Variants in DYNC1H1 observed in about 807,000 individuals in gnomAD.
The protein encoded by DYNC1H1 is dynein cytoplasmic 1 heavy chain 1.
Under a neutral mutation model 527.1 loss-of-function variants are expected in DYNC1H1, and 51 were observed. The ratio of observed to expected loss-of-function variants is 0.10; its 90% CI spans 0.08 to 0.12. The LOEUF (loss-of-function observed/expected upper bound fraction) is 0.12. Ranked by LOEUF, DYNC1H1 falls within the 10% of genes least tolerant of loss-of-function variation. The probability of loss-of-function intolerance (pLI) is 1.00; values close to 1 mark genes in which losing one functional copy is unlikely to be tolerated. For missense variants in DYNC1H1, 2,771 were observed against 5,971.8 expected (o/e 0.46, Z 17.66); for synonymous variants, 2,189 against 2,278.8 (o/e 0.96, Z 1.12).
Position 102,041,261 on chromosome 14 carries a change from C to G in DYNC1H1, c.11942-313C>G, listed in dbSNP as rs2152596108. 1 of 423,024 alleles carries G rather than the reference C, an allele frequency of 2.4e-6. No individual in the cohort carries two copies. The highest frequency in any genetic ancestry group is 5.4e-5 in the East Asian group (1 of 18,566). The allele number at this position is 423,024 out of a possible 1,614,324, so 26.2% of individuals were successfully genotyped here. A position where few individuals can be genotyped will look rare whatever the true frequency, so the allele number is the denominator to read the frequency against. On this transcript the variant is annotated intron_variant, in intron 64 of 77. Coordinates refer to ENST00000360184, the MANE Select transcript of DYNC1H1 (RefSeq NM_001376.5). The surrounding 1 kb of genome is among the most constrained non-coding windows in gnomAD (Gnocchi z 4.5). ...AGAGGAAGTGTCAGACTGTGGAGGG[C>G]AGAGCGTGGAGCCCCCTTCCTGAGT...
Position 102,017,706 on chromosome 14 carries a change from C to G in DYNC1H1, c.8177+202C>G. The G allele has an allele frequency of 1.0e-6, 1 of 989,752 alleles. No individual in the cohort carries two copies. The highest frequency in any genetic ancestry group is 2.3e-5 in the Admixed American group (1 of 43,684). 61.3% of individuals were successfully genotyped at this position (989,752 alleles called of 1,614,324 possible). A position where few individuals can be genotyped will look rare whatever the true frequency, so the allele number is the denominator to read the frequency against. ...CATTGGCCGGGCGCAGTGGCTTACG[C>G]CTATAATCCCAGCACTTTGGGAGGC... On this transcript the variant is annotated intron_variant, in intron 40 of 77. Coordinates refer to ENST00000360184, the MANE Select transcript of DYNC1H1 (RefSeq NM_001376.5). The surrounding 1 kb of genome is among the most constrained non-coding windows in gnomAD (Gnocchi z 4.6).
In DYNC1H1 at chr14:102,033,656, G is replaced by A. The variant is rs1287210821; in HGVS notation, c.10413+172G>A. On this transcript the variant is annotated intron_variant, in intron 54 of 77. Transcript: ENST00000360184. This position sits in a 1 kb window ranked among gnomAD's most constrained non-coding sequence, Gnocchi z 5.6. ...ATAATACACACTGAGTAGTCACTAA[G>A]TGTTGTTAATTAGGATAGATTGATA... is the stretch of plus-strand genomic sequence containing the variant. 1 of 836,010 alleles carries A rather than the reference G, an allele frequency of 1.2e-6. No individual in the cohort carries two copies. Among genetic ancestry groups the A allele is most frequent in the Non-Finnish European group, 1.9e-6 (1 of 520,220 alleles). 51.8% of individuals were successfully genotyped at this position (836,010 alleles called of 1,614,324 possible).
chr14:101,967,799 C>T (rs761981522), intron 1 of DYNC1H1, among the ~76,000 whole-genome samples: 13 of 152,178 alleles, frequency 8.5e-5, no homozygotes, highest in East Asian at 1.9e-4. Flanking sequence ...TTTGCTCCAG[C>T]CTGGGTACAG....
Position 102,044,199 on chromosome 14 carries a change from C to G in DYNC1H1, c.12685-75C>G. ...TGGCCATGGGGAGTGAGGAGGAAAG[C>G]TGTGCCCCTCGAAAGGAAGCCCCGG... On this transcript the variant is annotated intron_variant, in intron 70 of 77. Transcript: ENST00000360184. The surrounding 1 kb of genome is among the most constrained non-coding windows in gnomAD (Gnocchi z 7.1). 6.3e-7 allele frequency: 1 copy of G among 1,593,704 alleles called. No individual in the cohort carries two copies. Among genetic ancestry groups the G allele is most frequent in the South Asian group, 1.1e-5 (1 of 89,394 alleles).
chr14:101,976,591 T>C (rs1283937348), intron 2 of DYNC1H1, among the ~76,000 whole-genome samples: 1 of 152,050 alleles, frequency 6.6e-6, no homozygotes, highest in Admixed American at 6.6e-5. Context: ...AGATTTCTGG[T>C]CTTTAAATTC....
chr14:102,016,593 T>A lies in DYNC1H1; in HGVS notation c.7614+104T>A. 2 of 1,602,832 alleles carry A rather than the reference T, an allele frequency of 1.2e-6. No homozygotes were observed. The highest frequency in any genetic ancestry group is 1.7e-6 in the Non-Finnish European group (2 of 1,171,248). ...CCTTGGCTTCGTCTTTTCATTTTAT[T>A]CCATTTCATAGAAGGACTTTATCCT... On this transcript the variant is annotated intron_variant, in intron 37 of 77. Coordinates refer to ENST00000360184, the MANE Select transcript of DYNC1H1 (RefSeq NM_001376.5). The surrounding 1 kb of genome is among the most constrained non-coding windows in gnomAD (Gnocchi z 7.3).
chr14:102,023,100 A>T, intron 43 of DYNC1H1: 1 of 670,724 alleles, frequency 1.5e-6, no homozygotes, highest in Admixed American at 2.6e-5. Context: ...CCACCTCTAC[A>T]AAAAAATTTG....
intron 17 of DYNC1H1, 49 bp from the exon 18 acceptor site, chr14:102,000,237 G>A (rs780050331): frequency 3.1e-6 from 5 of 1,613,898 alleles, no homozygotes; most frequent in Non-Finnish European, 4.2e-6. Context: ...CCAGATTCTG[G>A]GGTGATTTCT....
intron 7 of DYNC1H1, among the ~76,000 whole-genome samples, chr14:101,984,613 G>C (rs1305558393): frequency 6.7e-6 from 1 of 150,266 alleles, no homozygotes; most frequent in Non-Finnish European, 1.5e-5. Flanking sequence ...ACCACACCCA[G>C]CTAATTTTTG....
At chr14:101,980,149 G>C (rs879515627) in intron 4 of DYNC1H1, among the ~76,000 whole-genome samples, 175 bp downstream of exon 4, 4 of 152,170 alleles carry the variant, frequency 2.6e-5, no homozygotes, top group Non-Finnish European at 4.4e-5. Flanking sequence ...GAATGGTCAG[G>C]GGACAGTGTG....
chr14:101,977,098 C>T (rs1210992836), intron 2 of DYNC1H1, among the ~76,000 whole-genome samples: 1 of 152,140 alleles, frequency 6.6e-6, no homozygotes, highest in African/African-American at 2.4e-5. Context: ...TTCATTATTA[C>T]AGATAACTAG....
chr14:102,023,117 T>G (rs1311155914), intron 43 of DYNC1H1: 10 of 563,164 alleles, frequency 1.8e-5, no homozygotes, highest in Non-Finnish European at 2.7e-5. Flanking sequence ...TTTGAAAATT[T>G]AGCCAGGCAA....
At position 102,016,830 on chromosome 14, in the gene DYNC1H1, A is replaced by G. The variant is rs1567012734; in HGVS notation, c.7679A>G (p.His2560Arg). 6.2e-7 allele frequency: 1 copy of G among 1,614,102 alleles called. No homozygotes were observed. The highest frequency in any genetic ancestry group is 8.5e-7 in the Non-Finnish European group (1 of 1,180,034). The change falls in exon 38 of 78, where the codon CAC becomes CGC. Residue 2560 changes from histidine (H) to arginine (R), a missense_variant. His to Arg is a conservative substitution (Grantham distance 29). Coordinates refer to ENST00000360184, the MANE Select transcript of DYNC1H1 (RefSeq NM_001376.5). The surrounding 1 kb of genome is among the most constrained non-coding windows in gnomAD (Gnocchi z 7.3). ...AKVPQIEVET[H>R]KVAAPDVVVP... ...GTGCCTCAGATTGAAGTGGAGACGC[A>G]CAAGGTGGCAGCCCCTGATGTCGTC...
In DYNC1H1 at chr14:102,036,790, A is replaced by G. The variant is rs745981148; in HGVS notation, c.10908+148A>G. 4.1e-5 allele frequency: 45 copies of G among 1,106,064 alleles called. No homozygotes were observed. Among genetic ancestry groups the G allele is most frequent in the Middle Eastern group, 2.9e-4 (1 of 3,422 alleles). 68.5% of individuals were successfully genotyped at this position (1,106,064 alleles called of 1,614,324 possible). A position where few individuals can be genotyped will look rare whatever the true frequency, so the allele number is the denominator to read the frequency against. On this transcript the variant is annotated intron_variant, in intron 57 of 77. Transcript: ENST00000360184. The surrounding 1 kb of genome is among the most constrained non-coding windows in gnomAD (Gnocchi z 5.6). Reference sequence around the variant, plus strand: ...TGGTTCTGTAATAGATAAATTCAACAGAATCATTATTTGCATTTAAAATTC... The same window carrying G: ...TGGTTCTGTAATAGATAAATTCAACGGAATCATTATTTGCATTTAAAATTC...
Position 102,001,086 on chromosome 14 carries a change from G to T in DYNC1H1, c.4185+22G>T. 6.2e-7 allele frequency: 1 copy of T among 1,614,040 alleles called. No individual in the cohort carries two copies. The highest frequency in any genetic ancestry group is 1.3e-5 in the African/African-American group (1 of 75,030). Reference sequence around the variant, plus strand: ...GAAGGTAGGTGGCCAGTATCGCACGGTGATGAGTGTCCATTAGAAACGCAC... The same window carrying T: ...GAAGGTAGGTGGCCAGTATCGCACGTTGATGAGTGTCCATTAGAAACGCAC... On this transcript the variant is annotated intron_variant, in intron 19 of 77. Transcript: ENST00000360184. This position sits in a 1 kb window ranked among gnomAD's most constrained non-coding sequence, Gnocchi z 5.0.
At chr14:102,006,516 A>T (rs1334880465) in intron 27 of DYNC1H1, among the ~76,000 whole-genome samples, 16 of 151,988 alleles carry the variant, frequency 1.1e-4, no homozygotes. Flanking sequence ...TACAGGCATG[A>T]GTCACCACGC....
intron 51 of DYNC1H1, among the ~76,000 whole-genome samples, chr14:102,031,211 G>T (rs1250494343): frequency 6.6e-6 from 1 of 152,130 alleles, no homozygotes. Context: ...CTATTTTAGT[G>T]TATAGAAGTC....
At chr14:101,995,924 T>C (rs886734114) in intron 15 of DYNC1H1, among the ~76,000 whole-genome samples, 7 of 151,332 alleles carry the variant, frequency 4.6e-5, no homozygotes, top group African/African-American at 1.7e-4. Context: ...ATTACCTGAG[T>C]GTGGTGGCAT....
At position 102,050,525 on chromosome 14, in the gene DYNC1H1, T is replaced by G; in HGVS notation, c.13903T>G (p.Phe4635Val). ...TGCTACAAAGGAGGATCCTCGCAGC[T>G]TCTACGAGCGGGGTGTCGCAGTCTT... ...EIATKEDPRS[F>V]YERGVAVLCT... Residue 4635 changes from phenylalanine (F) to valine (V), a missense_variant, in exon 78 of 78, where the codon TTC becomes GTC. Physicochemically the swap from Phe to Val is conservative, Grantham distance 50 (BLOSUM62 -1). Around this residue, in one of 32 missense-constraint regions of DYNC1H1, gnomAD observed 106 missense variants for 139.2 expected, o/e 0.76. Transcript: ENST00000360184. 2.5e-6 allele frequency: 4 copies of G among 1,614,266 alleles called. No individual in the cohort carries two copies. Among genetic ancestry groups the G allele is most frequent in the Non-Finnish European group, 3.4e-6 (4 of 1,180,044 alleles).
Sources: gnomAD v4.1 joint callset for allele counts (sites outside exome capture counted in the v4.1 genomes callset) on GRCh38, gnomAD v4.1.1 for gene constraint, gnomAD v4.1.1 regional missense constraint, Gnocchi (gnomAD v3.1) non-coding constraint, MANE v1.5 for transcripts, NCBI Gene and HGNC (gene_info 2026-07-23, HGNC 2026-07-21) for gene names.